QKI: variants seen among roughly 807,000 people sequenced by gnomAD.
QKI encodes the protein KH domain-containing RNA-binding protein QKI.
QKI carries 10 observed loss-of-function variants against 39.0 expected under a neutral mutation model. That is an observed-to-expected ratio of 0.26 (90% CI 0.16 to 0.43). QKI has a LOEUF of 0.43. Among genes scored for constraint, QKI ranks in the 20% least tolerant of loss-of-function variants. The pLI is 1.00. For synonymous variants in QKI, 204 were observed against 155.4 expected (o/e 1.31, Z -2.33); for missense variants, 218 against 428.0 (o/e 0.51, Z 4.33).
chr6:163,566,746 G>A lies in QKI; in HGVS notation c.960G>A (p.Arg320=). 1 of 1,613,814 alleles carries A rather than the reference G, an allele frequency of 6.2e-7. No homozygotes were observed. Residue 320 remains arginine, a synonymous_variant, in exon 7 of 8, where the codon AGG becomes AGA. Coordinates refer to ENST00000361752, the MANE Select transcript of QKI (RefSeq NM_006775.3). ...GTGCGGTGGCTACTAAAGTTCGAAG[G>A]CACGATATGCGTGTCCATCCTTACC... ...VLGAVATKVR[R]HDMRVHPYQR...
chr6:163,457,680 C>G (rs1281075082), intron 2 of QKI: 3 of 321,080 alleles, frequency 9.3e-6, no homozygotes, highest in South Asian at 5.0e-5. Flanking sequence ...GCCAGGCTGA[C>G]AGGTAGGTGA....
chr6:163,455,125 G>A (rs972583544), intron 1 of QKI, 154 bp from the exon 2 acceptor site: 2 of 533,474 alleles, frequency 3.7e-6, no homozygotes, highest in Non-Finnish European at 6.4e-6. Flanking sequence ...TTTAAACATG[G>A]GCTTAATCCA....
chr6:163,415,202 G>A lies in QKI; in HGVS notation c.9G>A (p.Gly3=), dbSNP rs780022709. The change falls in exon 1 of 8, where the codon GGG becomes GGA. Residue 3 remains glycine (G), a synonymous_variant. Transcript: ENST00000361752. The part of the protein sequence containing the change: MV[G]EMETKEKPKP... Reference sequence around the variant, plus strand: ...GCTGCGGAGCCTGGAATATGGTCGGGGAAATGGAAACGAAGGAGAAGCCGA... The same window carrying A: ...GCTGCGGAGCCTGGAATATGGTCGGAGAAATGGAAACGAAGGAGAAGCCGA... The A allele has an allele frequency of 6.3e-7, 1 of 1,580,974 alleles. No homozygotes were observed. The highest frequency in any genetic ancestry group is 1.4e-5 in the African/African-American group (1 of 73,486).
intron 1 of QKI, among the ~76,000 whole-genome samples, chr6:163,420,761 T>G (rs1164992964): frequency 1.3e-5 from 2 of 152,198 alleles, no homozygotes; most frequent in Admixed American, 1.3e-4. Context: ...ACAGTTATAT[T>G]TTTTACTTAA....
intron 2 of QKI, among the ~76,000 whole-genome samples, chr6:163,477,645 T>G (rs1227846632): frequency 6.6e-6 from 1 of 152,132 alleles, no homozygotes; most frequent in Non-Finnish European, 1.5e-5. Context: ...TATAGATGAG[T>G]CTGTGAGTCT....
chr6:163,520,434 G>A (rs575568736), intron 3 of QKI, among the ~76,000 whole-genome samples: 2 of 152,100 alleles, frequency 1.3e-5, no homozygotes, highest in South Asian at 4.1e-4. Flanking sequence ...TTTTAAAATA[G>A]TGTTTGGGGA....
chr6:163,486,140 G>A (rs1170300153), intron 3 of QKI, among the ~76,000 whole-genome samples: 2 of 152,130 alleles, frequency 1.3e-5, no homozygotes, highest in Non-Finnish European at 2.9e-5. Context: ...CTCTTCCAAC[G>A]GAAATGGAGG....
intron 3 of QKI, among the ~76,000 whole-genome samples, chr6:163,503,857 A>G (rs1239268919): frequency 6.6e-6 from 1 of 151,972 alleles, no homozygotes; most frequent in Non-Finnish European, 1.5e-5. Flanking sequence ...CTCCTGGCTC[A>G]GCCTCCTGAG....
At chr6:163,472,979 A>G (rs1792318166) in intron 2 of QKI, among the ~76,000 whole-genome samples, 1 of 152,220 alleles carries the variant, frequency 6.6e-6, no homozygotes, top group Non-Finnish European at 1.5e-5. Context: ...ACAGCAGATT[A>G]AACGAAGGAA....
At chr6:163,518,680 A>G (rs573228881) in intron 3 of QKI, among the ~76,000 whole-genome samples, 1 of 152,056 alleles carries the variant, frequency 6.6e-6, no homozygotes, top group African/African-American at 2.4e-5. Flanking sequence ...TTTAGGTGTT[A>G]CTAACTGTTG....
chr6:163,511,782 A>C (rs1779496173), intron 3 of QKI, among the ~76,000 whole-genome samples: 1 of 152,124 alleles, frequency 6.6e-6, no homozygotes, highest in Non-Finnish European at 1.5e-5. Context: ...AATATTGTGA[A>C]TCTTATGTAA....
At chr6:163,513,351 T>C (rs564110082) in intron 3 of QKI, among the ~76,000 whole-genome samples, 1 of 152,208 alleles carries the variant, frequency 6.6e-6, no homozygotes. Flanking sequence ...GTAATTATTT[T>C]ATGTATCACC....
At chr6:163,510,406 C>A (rs867404019) in intron 3 of QKI, among the ~76,000 whole-genome samples, 2 of 150,938 alleles carry the variant, frequency 1.3e-5, no homozygotes, top group Non-Finnish European at 3.0e-5. Flanking sequence ...TTAAAAAATA[C>A]AAAAATTATC....
chr6:163,573,911 A>G lies in QKI; in HGVS notation c.*3201A>G, dbSNP rs1242879325. 2 of 152,170 alleles carry G rather than the reference A, an allele frequency of 1.3e-5. No individual in the cohort carries two copies. The highest frequency in any genetic ancestry group is 2.9e-5 in the Non-Finnish European group (2 of 68,026). 9.4% of individuals were successfully genotyped at this position (152,170 alleles called of 1,614,324 possible). On this transcript the variant is annotated 3_prime_UTR_variant, in exon 8 of 8. Transcript: ENST00000361752. ...TGGACTAACCCTGAAGAACGTGACC[A>G]CAGATAACATAGTGTGACTTGTTTT...
chr6:163,536,591 A>G (rs1781227055), intron 4 of QKI, among the ~76,000 whole-genome samples: 1 of 152,192 alleles, frequency 6.6e-6, no homozygotes. Flanking sequence ...AGCGTCTTTT[A>G]AATTTTCTAT....
chr6:163,554,069 G>A (rs544892618), intron 4 of QKI, among the ~76,000 whole-genome samples: 1 of 152,266 alleles, frequency 6.6e-6, no homozygotes, highest in Admixed American at 6.5e-5. Context: ...GTGTAATGAT[G>A]AAACCAAGAC....
intron 1 of QKI, among the ~76,000 whole-genome samples, chr6:163,437,853 C>G (rs959352219): frequency 6.6e-6 from 1 of 151,664 alleles, no homozygotes; most frequent in Admixed American, 6.6e-5. Flanking sequence ...TGTGGTTAAA[C>G]TAATTTTAAA....
intron 3 of QKI, among the ~76,000 whole-genome samples, chr6:163,484,188 G>T (rs1793297120): frequency 6.6e-6 from 1 of 151,586 alleles, no homozygotes. Context: ...GCACAGGCAG[G>T]GTACATTAGC....
intron 4 of QKI, among the ~76,000 whole-genome samples, chr6:163,545,417 G>C (rs1308397071): frequency 6.6e-6 from 1 of 152,040 alleles, no homozygotes; most frequent in African/African-American, 2.4e-5. Flanking sequence ...AGTTTGCCAA[G>C]GTATAGGTTT....
Sources: gnomAD v4.1 joint callset for allele counts (sites outside exome capture counted in the v4.1 genomes callset) on GRCh38, gnomAD v4.1.1 for gene constraint, MANE v1.5 for transcripts, NCBI Gene and HGNC (gene_info 2026-07-23, HGNC 2026-07-21) for gene names.